The following DGCR2 variants were observed in gnomAD, a reference collection of about 807,000 sequenced individuals.
The protein encoded by DGCR2 is DiGeorge syndrome critical region gene 2.
In DGCR2, 24 loss-of-function variants were observed where a neutral mutation model predicts 51.6. That is an observed-to-expected ratio of 0.47 (90% CI 0.34 to 0.65). The LOEUF (loss-of-function observed/expected upper bound fraction) is 0.65. Among genes scored for constraint, DGCR2 ranks in the 30% least tolerant of loss-of-function variants. DGCR2 has a pLI of 0.01. For missense variants in DGCR2, 765 were observed against 772.1 expected (o/e 0.99, Z 0.11); for synonymous variants, 340 against 315.4 (o/e 1.08, Z -0.82).
intron 1 of DGCR2, among the ~76,000 whole-genome samples, chr22:19,120,320 C>T (rs1201538355): frequency 1.3e-5 from 2 of 152,224 alleles, no homozygotes; most frequent in African/African-American, 4.8e-5. Flanking sequence ...GACGCCCTCA[C>T]TGCTTCACAG....
chr22:19,041,043 TG>T lies in DGCR2; in HGVS notation c.1396+14del, dbSNP rs768437329. 1 of 1,569,476 alleles carries T rather than the reference TG, an allele frequency of 6.4e-7. No individual in the cohort carries two copies. The highest frequency in any genetic ancestry group is 1.2e-5 in the South Asian group (1 of 84,650). The stretch of plus-strand genomic sequence containing the variant: ...TACTTGACAAGGTGTTCCCTCTCCC[TG>T]GGGAGTCAGGCACCTGCAGGGTCAT... On this transcript the variant is annotated intron_variant, in intron 9 of 9. Transcript: ENST00000263196.
Position 19,038,911 on chromosome 22 carries a change from G to A in DGCR2, c.1607C>T (p.Pro536Leu). The A allele has an allele frequency of 1.2e-6, 2 of 1,612,832 alleles. No individual in the cohort carries two copies. The highest frequency in any genetic ancestry group is 1.7e-6 in the Non-Finnish European group (2 of 1,179,888). ...SGSTPAAEAL[P>L]GGGRHSRSSL... ...GCTGCGGCTGTGGCGGCCACCCCCTGGCAGTGCCTCTGCAGCTGGGGTGCT... is the reference window on the plus strand; with the variant it reads ...GCTGCGGCTGTGGCGGCCACCCCCTAGCAGTGCCTCTGCAGCTGGGGTGCT... Residue 536 changes from proline to leucine, a missense_variant, in exon 10 of 10, where the codon CCA becomes CTA. Transcript: ENST00000263196.
Position 19,084,521 on chromosome 22 carries a change from C to T in DGCR2, c.202+4847G>A, listed in dbSNP as rs1188672624. Among the ~76,000 whole-genome samples the T allele has an allele frequency of 1.0e-3, 146 of 144,084 alleles. 7 individuals are homozygous for T. The highest frequency in any genetic ancestry group is 3.9e-3 in the African/African-American group (145 of 37,588). The allele number at this position is 144,084 out of a possible 152,430, so 94.5% of individuals were successfully genotyped here. On this transcript the variant is annotated intron_variant, in intron 2 of 9. Coordinates refer to ENST00000263196, the MANE Select transcript of DGCR2 (RefSeq NM_005137.3). Reference sequence around the variant, plus strand: ...CTGAGAAGTGAGGAGCCCCTCCGCCCGGCAGCCGCCCCGTCTGAGAAGTGA... The same window carrying T: ...CTGAGAAGTGAGGAGCCCCTCCGCCTGGCAGCCGCCCCGTCTGAGAAGTGA...
chr22:19,066,160 G>A (rs2082746040), intron 3 of DGCR2, among the ~76,000 whole-genome samples: 1 of 152,228 alleles, frequency 6.6e-6, no homozygotes, highest in Non-Finnish European at 1.5e-5. Flanking sequence ...AGCACTTTGG[G>A]AGGCCGAGGT....
chr22:19,069,364 T>A (rs2082787586), intron 2 of DGCR2, among the ~76,000 whole-genome samples: 1 of 152,240 alleles, frequency 6.6e-6, no homozygotes. Context: ...CAATGGTTTT[T>A]ATTTAATAAA....
At chr22:19,090,153 A>T (rs1015801110) in intron 1 of DGCR2, among the ~76,000 whole-genome samples, 1 of 152,138 alleles carries the variant, frequency 6.6e-6, no homozygotes, top group East Asian at 1.9e-4. Context: ...TAATAGAAAC[A>T]CTCTGAACTA....
intron 2 of DGCR2, among the ~76,000 whole-genome samples, chr22:19,080,714 T>C (rs28615873): frequency 0.41 from 62,722 of 152,060 alleles, 13,409 homozygotes; most frequent in African/African-American, 0.53. Context: ...TACACGCCTG[T>C]AGTCTCAGCT....
chr22:19,081,808 C>T (rs759745965), intron 2 of DGCR2, among the ~76,000 whole-genome samples: 3 of 152,248 alleles, frequency 2.0e-5, no homozygotes, highest in Non-Finnish European at 4.4e-5. Flanking sequence ...ATATCTTCTC[C>T]AACATTTTAA....
At chr22:19,111,191 T>C (rs1239120678) in intron 1 of DGCR2, among the ~76,000 whole-genome samples, 1 of 152,194 alleles carries the variant, frequency 6.6e-6, no homozygotes, top group Non-Finnish European at 1.5e-5. Context: ...GCAATCACTG[T>C]GTGGTGAGAT....
intron 1 of DGCR2, among the ~76,000 whole-genome samples, chr22:19,094,416 C>T (rs973535664): frequency 1.3e-5 from 2 of 150,922 alleles, no homozygotes; most frequent in African/African-American, 4.8e-5. Flanking sequence ...CAGAATGAGA[C>T]TCCGTCTCAA....
chr22:19,108,175 G>A (rs2096054), intron 1 of DGCR2, among the ~76,000 whole-genome samples: 74,900 of 151,900 alleles, frequency 0.49, 19,614 homozygotes, highest in African/African-American at 0.68. Flanking sequence ...GGGTAGGCAA[G>A]GATTTATTAG....
intron 2 of DGCR2, among the ~76,000 whole-genome samples, chr22:19,081,129 G>GA (rs951309801): frequency 6.6e-6 from 1 of 152,210 alleles, no homozygotes; most frequent in African/African-American, 2.4e-5. Context: ...CTTTGGAAAG[G>GA]AAAAAAGCTG....
intron 1 of DGCR2, among the ~76,000 whole-genome samples, chr22:19,096,410 T>C (rs1219790518): frequency 6.6e-6 from 1 of 152,156 alleles, no homozygotes; most frequent in African/African-American, 2.4e-5. Context: ...CTATAGTTAA[T>C]AATGGTTTAT....
At chr22:19,074,340 C>T (rs58506081) in intron 2 of DGCR2, among the ~76,000 whole-genome samples, 1 of 149,906 alleles carries the variant, frequency 6.7e-6, no homozygotes, top group Non-Finnish European at 1.5e-5. Context: ...GCAGAAGAAT[C>T]GATTGAGCCT....
At chr22:19,042,778 G>C (rs1247359958) in intron 7 of DGCR2, among the ~76,000 whole-genome samples, 4 of 152,174 alleles carry the variant, frequency 2.6e-5, no homozygotes, top group Non-Finnish European at 5.9e-5. Flanking sequence ...CTGTGTAGGG[G>C]AACAGTGAGC....
intron 6 of DGCR2, among the ~76,000 whole-genome samples, chr22:19,051,871 G>GCCAC (rs2082552211): frequency 6.6e-6 from 1 of 152,168 alleles, no homozygotes; most frequent in Non-Finnish European, 1.5e-5. Context: ...ACCATAAGGA[G>GCCAC]CCACAGGTCT....
At chr22:19,117,294 C>A (rs1037589532) in intron 1 of DGCR2, among the ~76,000 whole-genome samples, 1 of 152,268 alleles carries the variant, frequency 6.6e-6, no homozygotes, top group Non-Finnish European at 1.5e-5. Flanking sequence ...CCTAACACAG[C>A]ACAAATCTTC....
intron 2 of DGCR2, among the ~76,000 whole-genome samples, chr22:19,075,491 C>T (rs931006291): frequency 3.9e-5 from 6 of 152,050 alleles, no homozygotes; most frequent in Non-Finnish European, 5.9e-5. Flanking sequence ...TATTAAGTAC[C>T]TTCACATTAG....
At chr22:19,063,834 C>G (rs2082716537) in intron 4 of DGCR2, among the ~76,000 whole-genome samples, 1 of 152,166 alleles carries the variant, frequency 6.6e-6, no homozygotes, top group Non-Finnish European at 1.5e-5. Context: ...ACATGAAACC[C>G]CATGAATACA....
Sources: allele counts gnomAD v4.1 joint callset (sites outside exome capture counted in the v4.1 genomes callset), GRCh38; gene constraint gnomAD v4.1.1; transcripts MANE v1.5; gene names NCBI Gene and HGNC (gene_info 2026-07-23, HGNC 2026-07-21).